PLAGL1: variants seen among roughly 807,000 people sequenced by gnomAD.
PLAGL1 encodes the protein zinc finger protein PLAGL1.
A neutral mutation model predicts 4.6 loss-of-function variants in PLAGL1; 1 was observed. The observed-to-expected ratio is 0.22, with a 90% CI of 0.08 to 1.03. PLAGL1 has a LOEUF of 1.03. PLAGL1 is among the 50% of genes least tolerant of loss of function. The pLI is 0.58. For synonymous variants in PLAGL1, 240 were observed against 237.8 expected, an observed-to-expected ratio of 1.01 and a Z score of -0.08; for missense variants, 464 against 570.4, an observed-to-expected ratio of 0.81 and a Z score of 1.90.
rs751187671 is a variant in PLAGL1, at chr6:143,942,130, G to C, written c.686C>G (p.Ser229Trp). 1 of 1,613,908 alleles carries C rather than the reference G, an allele frequency of 6.2e-7. No individual in the cohort carries two copies. The highest frequency in any genetic ancestry group is 8.5e-7 in the Non-Finnish European group (1 of 1,179,888). Residue 229 changes from serine (S) to tryptophan (W), a missense_variant, in exon 8 of 8, where the codon TCG becomes TGG. By Grantham distance (177) the Ser-to-Trp change is radical. This residue lies in a region of PLAGL1 where 248 missense variants were observed against 250.1 expected (regional missense o/e 0.99). Transcript: ENST00000674357. This position sits in a 1 kb window ranked among gnomAD's most constrained non-coding sequence, Gnocchi z 7.6. ...AGCAGCCTTCAGTTGGAATGAAGGC[G>C]AGATGGTGTGGAAGGTGCTCAGAAG... ...GDLLSTFHTI[S>W]PSFQLKAAAL...
At chr6:144,025,459 G>A (rs1796267568) in intron 1 of PLAGL1, among the ~76,000 whole-genome samples, 1 of 152,218 alleles carries the variant, frequency 6.6e-6, no homozygotes, top group Non-Finnish European at 1.5e-5. Context: ...TTCATTAATT[G>A]TGACAAATGT....
intron 2 of PLAGL1, among the ~76,000 whole-genome samples, chr6:143,969,397 A>G (rs1168291814): frequency 6.6e-6 from 1 of 152,090 alleles, no homozygotes; most frequent in African/African-American, 2.4e-5. Flanking sequence ...TTTGAGATAA[A>G]TGCTTGACAC....
At chr6:143,956,340 T>C (rs982639736) in intron 6 of PLAGL1, among the ~76,000 whole-genome samples, 2 of 152,174 alleles carry the variant, frequency 1.3e-5, no homozygotes, top group African/African-American at 2.4e-5. Flanking sequence ...AGCAGCCTTG[T>C]GGGGGCATGG....
chr6:144,057,784 T>G (rs1394014763), intron 1 of PLAGL1, among the ~76,000 whole-genome samples: 2 of 151,606 alleles, frequency 1.3e-5, no homozygotes, highest in African/African-American at 4.8e-5. Flanking sequence ...CCATTTTTTT[T>G]TTTTTTTTTT....
At chr6:144,031,509 C>T (rs939421615) in intron 1 of PLAGL1, among the ~76,000 whole-genome samples, 1 of 152,190 alleles carries the variant, frequency 6.6e-6, no homozygotes, top group Non-Finnish European at 1.5e-5. Flanking sequence ...TTTGATCCAT[C>T]TTGAGTTGAT....
chr6:143,988,420 G>C (rs1009266366), intron 1 of PLAGL1, among the ~76,000 whole-genome samples: 2 of 152,182 alleles, frequency 1.3e-5, no homozygotes, highest in Non-Finnish European at 2.9e-5. Context: ...CAGAGTTAAT[G>C]GTAGGTTGGC....
rs1309496987 is a variant in PLAGL1 at position 143,963,290 on chromosome 6, T to G, written c.-399+1497A>C. Among the ~76,000 whole-genome samples the G allele has an allele frequency of 6.6e-6, 1 of 152,176 alleles. No individual in the cohort carries two copies. Among genetic ancestry groups the G allele is most frequent in the Non-Finnish European group, 1.5e-5 (1 of 68,038 alleles). On this transcript the variant is annotated intron_variant, in intron 5 of 7. Transcript: ENST00000674357. This position sits in a 1 kb window ranked among gnomAD's most constrained non-coding sequence, Gnocchi z 6.1. Reference sequence around the variant, plus strand: ...CTTCAATCCTGAACTTTCTTTCAAATTCCAGACTAATACATCTACCTCCCT... The same window carrying G: ...CTTCAATCCTGAACTTTCTTTCAAAGTCCAGACTAATACATCTACCTCCCT...
chr6:144,049,898 G>A (rs937989743), intron 1 of PLAGL1, among the ~76,000 whole-genome samples: 9 of 152,178 alleles, frequency 5.9e-5, no homozygotes, highest in African/African-American at 2.2e-4. Flanking sequence ...TTCTGATCAT[G>A]AGGGAGAGGA....
At position 144,006,211 on chromosome 6, in the gene PLAGL1, T is replaced by G. The variant is rs553699105; in HGVS notation, c.-584+1879A>C. On this transcript the variant is annotated intron_variant, in intron 1 of 7. Transcript: ENST00000674357. The surrounding 1 kb of genome is among the most constrained non-coding windows in gnomAD (Gnocchi z 4.3). ...GGTACTCCTCCCTGAGCAAGATTTT[T>G]TTTTTCTAAAAAGAAGCCAGGAAAT... is the stretch of plus-strand genomic sequence containing the variant. The G allele has an allele frequency of 6.6e-6, 1 of 152,148 alleles. No homozygotes were observed. Among genetic ancestry groups the G allele is most frequent in the African/African-American group, 2.4e-5 (1 of 41,512 alleles). 9.4% of individuals were successfully genotyped at this position (152,148 alleles called of 1,614,324 possible). A position where few individuals can be genotyped will look rare whatever the true frequency, so the allele number is the denominator to read the frequency against.
Position 143,959,718 on chromosome 6 carries a change from C to T in PLAGL1, c.-325+751G>A, listed in dbSNP as rs2128553358. 6.6e-6 allele frequency among the ~76,000 whole-genome samples: 1 copy of T among 152,292 alleles called. No individual in the cohort carries two copies. The highest frequency in any genetic ancestry group is 3.4e-3 in the Middle Eastern group (1 of 294). On this transcript the variant is annotated intron_variant, in intron 6 of 7. Coordinates refer to ENST00000674357, the MANE Select transcript of PLAGL1 (RefSeq NM_001317162.2). The surrounding 1 kb of genome is among the most constrained non-coding windows in gnomAD (Gnocchi z 5.3). ...CTGAGGCTCAGAGGATTTAAGTTTACTGCCCATCAGCATGGACTAATGACA... is the reference window on the plus strand; with the variant it reads ...CTGAGGCTCAGAGGATTTAAGTTTATTGCCCATCAGCATGGACTAATGACA...
rs559005533 is a variant in PLAGL1 at position 143,952,161 on chromosome 6, G to A, written c.-324-3701C>T. On this transcript the variant is annotated intron_variant, in intron 6 of 7. Transcript: ENST00000674357. This position sits in a 1 kb window ranked among gnomAD's most constrained non-coding sequence, Gnocchi z 6.1. ...TATATACAACATCTCTCATCACCACGCACTTGATCAGTTCAAAGGCTGTTT... is the reference window on the plus strand; with the variant it reads ...TATATACAACATCTCTCATCACCACACACTTGATCAGTTCAAAGGCTGTTT... Among the ~76,000 whole-genome samples, 2 of 152,200 alleles carry A rather than the reference G, an allele frequency of 1.3e-5. No individual in the cohort carries two copies. Among genetic ancestry groups the A allele is most frequent in the South Asian group, 4.2e-4 (2 of 4,818 alleles).
At chr6:143,987,732 G>A (rs1019671624) in intron 1 of PLAGL1, among the ~76,000 whole-genome samples, 1 of 152,058 alleles carries the variant, frequency 6.6e-6, no homozygotes, top group Non-Finnish European at 1.5e-5. Flanking sequence ...GGCTCCTAGA[G>A]TTAAGACTTT....
chr6:144,045,000 CTT>C (rs138373370), intron 1 of PLAGL1, among the ~76,000 whole-genome samples: 4 of 47,338 alleles, frequency 8.4e-5, no homozygotes, highest in Non-Finnish European at 1.2e-4. Context: ...GCAACCCCTG[CTT>C]TTTTTTTTTT....
rs1795335901 is a variant in PLAGL1, at chr6:144,013,453, C to T, written c.-150-44475G>A. Among the ~76,000 whole-genome samples the T allele has an allele frequency of 6.6e-6, 1 of 152,222 alleles. No individual in the cohort carries two copies. The highest frequency in any genetic ancestry group is 2.1e-4 in the South Asian group (1 of 4,830). ...AATGACAACTAGGAATGGAATGGAA[C>T]TTCCTTAGCCAGATAGTGGCTATAT... is the stretch of plus-strand genomic sequence containing the variant. On this transcript the variant is annotated intron_variant, in intron 1 of 3. Transcript: ENST00000437412. The surrounding 1 kb of genome is among the most constrained non-coding windows in gnomAD (Gnocchi z 4.4).
chr6:144,049,811 A>C (rs975092041), intron 1 of PLAGL1, among the ~76,000 whole-genome samples: 1 of 152,198 alleles, frequency 6.6e-6, no homozygotes. Flanking sequence ...ACTGAGACAC[A>C]TGGAGGTTTG....
upstream of PLAGL1, among the ~76,000 whole-genome samples, chr6:144,011,029 T>C (rs891943475): frequency 6.6e-6 from 1 of 152,140 alleles, no homozygotes; most frequent in African/African-American, 2.4e-5. This position sits in a 1 kb window ranked among gnomAD's most constrained non-coding sequence, Gnocchi z 4.3. Context: ...GGCAATACCA[T>C]TCAGGACATA....
rs1319969070 is a variant in PLAGL1, at chr6:144,064,388, A to C, written c.-151+80T>G. ...AGCCCCCGCCCCACGCGCCCACCTTAACGCCGCGCCCCCGGCTCCCCGCCC... is the reference window on the plus strand; with the variant it reads ...AGCCCCCGCCCCACGCGCCCACCTTCACGCCGCGCCCCCGGCTCCCCGCCC... On this transcript the variant is annotated intron_variant, in intron 1 of 3. Coordinates refer to the PLAGL1 transcript ENST00000437412. This position sits in a 1 kb window ranked among gnomAD's most constrained non-coding sequence, Gnocchi z 6.8. 6.6e-6 allele frequency: 1 copy of C among 151,682 alleles called. No homozygotes were observed. Among genetic ancestry groups the C allele is most frequent in the Non-Finnish European group, 1.5e-5 (1 of 67,956 alleles). The allele number at this position is 151,682 out of a possible 1,614,324, so 9.4% of individuals were successfully genotyped here.
At position 144,056,476 on chromosome 6, in the gene PLAGL1, G is replaced by A. The variant is rs562320860; in HGVS notation, c.-151+7992C>T. Among the ~76,000 whole-genome samples, 1 of 152,276 alleles carries A rather than the reference G, an allele frequency of 6.6e-6. No individual in the cohort carries two copies. The highest frequency in any genetic ancestry group is 6.5e-5 in the Admixed American group (1 of 15,296). On this transcript the variant is annotated intron_variant, in intron 1 of 3. Coordinates refer to the PLAGL1 transcript ENST00000437412. The surrounding 1 kb of genome is among the most constrained non-coding windows in gnomAD (Gnocchi z 4.7). ...TCACTGCTCTAAACAAAACTCCTCT[G>A]TGCTCCGTCTATTTAACCCTCTTTC...
At position 143,963,102 on chromosome 6, in the gene PLAGL1, G is replaced by A. The variant is rs902912360; in HGVS notation, c.-399+1685C>T. 6.6e-6 allele frequency among the ~76,000 whole-genome samples: 1 copy of A among 152,150 alleles called. No individual in the cohort carries two copies. Among genetic ancestry groups the A allele is most frequent in the Non-Finnish European group, 1.5e-5 (1 of 68,018 alleles). On this transcript the variant is annotated intron_variant, in intron 5 of 7. Coordinates refer to ENST00000674357, the MANE Select transcript of PLAGL1 (RefSeq NM_001317162.2). This position sits in a 1 kb window ranked among gnomAD's most constrained non-coding sequence, Gnocchi z 6.1. ...ATGATGTCATTTTAAAGGTGACACT[G>A]GGGGGCATGGTATGAAGGGGTTGCT... is the stretch of plus-strand genomic sequence containing the variant.
Sources: allele counts gnomAD v4.1 joint callset (sites outside exome capture counted in the v4.1 genomes callset), GRCh38; gene constraint gnomAD v4.1.1; regional missense constraint gnomAD v4.1.1; non-coding constraint Gnocchi (gnomAD v3.1); transcripts MANE v1.5; gene names NCBI Gene and HGNC (gene_info 2026-07-23, HGNC 2026-07-21).